RERE: variants seen among roughly 807,000 people sequenced by gnomAD.
The protein encoded by RERE is arginine-glutamic acid dipeptide repeats protein.
Under a neutral mutation model 146.1 loss-of-function variants are expected in RERE, and 40 were observed. The ratio of observed to expected loss-of-function variants is 0.27; its 90% CI spans 0.21 to 0.36. The LOEUF (loss-of-function observed/expected upper bound fraction) is 0.36, where lower values mean the gene tolerates loss of function less well. Ranked by LOEUF, RERE falls within the 10% of genes least tolerant of loss-of-function variation. The probability of loss-of-function intolerance (pLI) is 1.00; values close to 1 mark genes in which losing one functional copy is unlikely to be tolerated. For synonymous variants in RERE, 1,003 were observed against 866.0 expected, an observed-to-expected ratio of 1.16 and a Z score of -2.78; for missense variants, 1,933 against 2,138.7, an observed-to-expected ratio of 0.90 and a Z score of 1.90.
chr1:8,559,436 T>C (rs1278283096), intron 4 of RERE, among the ~76,000 whole-genome samples: 2 of 152,018 alleles, frequency 1.3e-5, no homozygotes, highest in African/African-American at 2.4e-5. Context: ...ACTTTATACA[T>C]AGAATAATCC....
intron 4 of RERE, among the ~76,000 whole-genome samples, chr1:8,588,681 C>A (rs1646456249): frequency 6.6e-6 from 1 of 152,200 alleles, no homozygotes; most frequent in South Asian, 2.1e-4. Flanking sequence ...CAAACAAAAT[C>A]TTTATGAAAT....
At chr1:8,501,941 G>T (rs1645169002) in intron 8 of RERE, among the ~76,000 whole-genome samples, 1 of 93,710 alleles carries the variant, frequency 1.1e-5, no homozygotes, top group Non-Finnish European at 2.3e-5. Context: ...GAGGTGGGGG[G>T]GATCAGCCCC....
At chr1:8,732,808 CTTTTTTTTTTTT>C (rs59337140) in intron 1 of RERE, among the ~76,000 whole-genome samples, 1 of 65,730 alleles carries the variant, frequency 1.5e-5, no homozygotes, top group African/African-American at 5.5e-5. Context: ...TTCAATTTTT[CTTTTTTTTTTTT>C]TTTTTTTTTT....
chr1:8,527,560 C>T (rs1645584359), intron 7 of RERE, among the ~76,000 whole-genome samples: 1 of 152,112 alleles, frequency 6.6e-6, no homozygotes, highest in Admixed American at 6.5e-5. Context: ...TTACATAGAG[C>T]ACACTATAAA....
chr1:8,632,980 T>C (rs1384308083), intron 2 of RERE, among the ~76,000 whole-genome samples: 3 of 152,218 alleles, frequency 2.0e-5, no homozygotes, highest in Non-Finnish European at 4.4e-5. Flanking sequence ...TTCTTATATA[T>C]TTCAAATCAG....
At chr1:8,516,262 A>G (rs1043632331) in intron 7 of RERE, among the ~76,000 whole-genome samples, 4 of 147,040 alleles carry the variant, frequency 2.7e-5, no homozygotes, top group African/African-American at 1.0e-4. Flanking sequence ...TAGGTGTATT[A>G]TAGTTACATA....
At chr1:8,627,886 G>A (rs894359377) in intron 2 of RERE, among the ~76,000 whole-genome samples, 3 of 152,176 alleles carry the variant, frequency 2.0e-5, no homozygotes, top group Non-Finnish European at 4.4e-5. Flanking sequence ...AGGAAGGAAA[G>A]GAACATGCCG....
chr1:8,541,152 C>T (rs1169208137), intron 7 of RERE, 62 bp downstream of exon 7: 36 of 911,788 alleles, frequency 3.9e-5, no homozygotes, highest in Non-Finnish European at 6.0e-5. Context: ...CACACATACA[C>T]ACACACACAA....
chr1:8,493,292 A>G (rs1645001592), intron 10 of RERE, among the ~76,000 whole-genome samples: 1 of 152,210 alleles, frequency 6.6e-6, no homozygotes, highest in Admixed American at 6.5e-5. Flanking sequence ...GCTTAATCAT[A>G]TGCTCAAAAT....
intron 1 of RERE, among the ~76,000 whole-genome samples, chr1:8,663,460 G>T (rs936674747): frequency 1.3e-5 from 2 of 152,044 alleles, no homozygotes; most frequent in Non-Finnish European, 2.9e-5. Context: ...CTCTGTAATG[G>T]ACCCACTGCT....
intron 4 of RERE, among the ~76,000 whole-genome samples, chr1:8,612,725 C>T (rs566890724): frequency 5.7e-4 from 86 of 152,186 alleles, no homozygotes; most frequent in African/African-American, 1.7e-3. Flanking sequence ...AAAGTAAAAC[C>T]TACTTTTTAG....
intron 2 of RERE, among the ~76,000 whole-genome samples, chr1:8,646,531 C>T (rs571745570): frequency 1.2e-4 from 18 of 150,934 alleles, no homozygotes; most frequent in South Asian, 6.3e-4. Flanking sequence ...GACCCTTCCC[C>T]GCCACTCAAA....
Position 8,477,242 on chromosome 1 carries a change from C to T in RERE, c.1105-11219G>A, listed in dbSNP as rs11800487. The stretch of plus-strand genomic sequence containing the variant: ...GGTGCGGAGGGTGTAGGCTGCTTGC[C>T]GGGGCAGGAGGACTCCACAGACGCA... On this transcript the variant is annotated intron_variant, in intron 10 of 22. Coordinates refer to ENST00000400908, the MANE Select transcript of RERE (RefSeq NM_001042681.2). Among the ~76,000 whole-genome samples the T allele has an allele frequency of 5.3e-5, 8 of 152,054 alleles. No homozygotes were observed. In the East Asian group the frequency reaches 9.6e-4, roughly 18 times the overall value.
At chr1:8,468,206 T>A (rs1644628842) in intron 10 of RERE, among the ~76,000 whole-genome samples, 1 of 152,186 alleles carries the variant, frequency 6.6e-6, no homozygotes, top group African/African-American at 2.4e-5. Flanking sequence ...TATTTATCAA[T>A]AAATTCGTAT....
chr1:8,446,411 A>G (rs569897122), intron 11 of RERE, among the ~76,000 whole-genome samples: 1 of 151,938 alleles, frequency 6.6e-6, no homozygotes, highest in Non-Finnish European at 1.5e-5. Flanking sequence ...GGCTGCCCTT[A>G]ACATTTTTTC....
chr1:8,729,003 T>TA (rs1232002187), intron 1 of RERE, among the ~76,000 whole-genome samples: 21 of 151,968 alleles, frequency 1.4e-4, no homozygotes, highest in African/African-American at 4.8e-4. Flanking sequence ...CTGTCTCTAC[T>TA]AAAAATACAA....
chr1:8,577,867 G>T (rs1646315592), intron 4 of RERE, among the ~76,000 whole-genome samples: 1 of 152,208 alleles, frequency 6.6e-6, no homozygotes, highest in Non-Finnish European at 1.5e-5. Flanking sequence ...GCCGAGATGG[G>T]CGATCACCTG....
chr1:8,583,192 A>T (rs1051453079), intron 4 of RERE, among the ~76,000 whole-genome samples: 1 of 152,222 alleles, frequency 6.6e-6, no homozygotes, highest in Non-Finnish European at 1.5e-5. Flanking sequence ...GAAGGATGGT[A>T]GCATTGGCAG....
chr1:8,658,819 A>AT (rs1638389174), intron 1 of RERE, among the ~76,000 whole-genome samples: 1 of 152,160 alleles, frequency 6.6e-6, no homozygotes, highest in Admixed American at 6.6e-5. Context: ...TGCTAAAACC[A>AT]TAACAATTAC....
Sources: allele counts gnomAD v4.1 joint callset (sites outside exome capture counted in the v4.1 genomes callset), GRCh38; gene constraint gnomAD v4.1.1; transcripts MANE v1.5; gene names NCBI Gene and HGNC (gene_info 2026-07-23, HGNC 2026-07-21).